The following TTC34 variants were observed in gnomAD, a reference collection of about 807,000 sequenced individuals.
The protein encoded by TTC34 is tetratricopeptide repeat protein 34.
Under a neutral mutation model 40.7 loss-of-function variants are expected in TTC34, and 44 were observed. That is an observed-to-expected ratio of 1.08 (90% CI 0.85 to 1.39). The LOEUF is 1.39. Among genes scored for constraint, TTC34 ranks in the 40% most tolerant of loss-of-function variants. The probability of loss-of-function intolerance (pLI) is 0.00; values close to 1 mark genes in which losing one functional copy is unlikely to be tolerated. For missense variants in TTC34, 884 were observed against 838.0 expected (o/e 1.05, Z -0.68); for synonymous variants, 422 against 398.6 (o/e 1.06, Z -0.70).
intron 6 of TTC34, among the ~76,000 whole-genome samples, chr1:2,691,668 A>T (rs113378747): frequency 1.8e-4 from 15 of 84,904 alleles, no homozygotes; most frequent in South Asian, 7.0e-4. Flanking sequence ...CGACACCCCC[A>T]GGTGAGCATC....
chr1:2,683,933 G>T (rs1464417207), intron 6 of TTC34, among the ~76,000 whole-genome samples: 10 of 12,742 alleles, frequency 7.8e-4, no homozygotes, highest in African/African-American at 3.3e-3. Context: ...AGCATCTGAT[G>T]GTCTGGAGCA....
chr1:2,647,201 C>G (rs1639036109), intron 6 of TTC34, among the ~76,000 whole-genome samples: 1 of 152,100 alleles, frequency 6.6e-6, no homozygotes, highest in African/African-American at 2.4e-5. Flanking sequence ...GTTATTTCTT[C>G]AAATACCTGT....
intron 6 of TTC34, among the ~76,000 whole-genome samples, chr1:2,749,024 C>T (rs1569684683): frequency 6.7e-6 from 1 of 150,174 alleles, no homozygotes; most frequent in African/African-American, 2.5e-5. Flanking sequence ...ATCTGACAGC[C>T]TGGAACAGCA....
intron 6 of TTC34, among the ~76,000 whole-genome samples, chr1:2,651,031 CG>C (rs777179257): frequency 1.3e-5 from 2 of 150,146 alleles, no homozygotes; most frequent in African/African-American, 2.5e-5. Context: ...TCCACGCCTT[CG>C]GGGGGGCATC....
At chr1:2,695,751 C>A (rs1640833103) in intron 6 of TTC34, among the ~76,000 whole-genome samples, 1 of 150,100 alleles carries the variant, frequency 6.7e-6, no homozygotes, top group African/African-American at 2.5e-5. Flanking sequence ...GAACAGCACC[C>A]ACACCCCCAG....
intron 6 of TTC34, among the ~76,000 whole-genome samples, chr1:2,695,638 A>C (rs376548879): frequency 0.065 from 115 of 1,768 alleles, no homozygotes; most frequent in African/African-American, 0.077. Context: ...ACCCACACCA[A>C]CAGGTGAGCA....
chr1:2,681,341 GC>G (rs1286086067), intron 6 of TTC34, among the ~76,000 whole-genome samples: 3 of 24,758 alleles, frequency 1.2e-4, no homozygotes, highest in East Asian at 1.2e-3. Context: ...ACAGCACGCT[GC>G]CCCCCCAGGT....
chr1:2,686,719 A>G (rs1640369686), intron 6 of TTC34, among the ~76,000 whole-genome samples: 2 of 142,856 alleles, frequency 1.4e-5, no homozygotes, highest in Admixed American at 7.0e-5. Context: ...AACAGCACAC[A>G]CACCCCCAGG....
chr1:2,784,868 TC>T (rs1331139426), intron 5 of TTC34, among the ~76,000 whole-genome samples: 1 of 152,250 alleles, frequency 6.6e-6, no homozygotes, highest in Non-Finnish European at 1.5e-5. Context: ...ACCTAGGTAA[TC>T]TTTTGCCCAC....
intron 2 of TTC34, among the ~76,000 whole-genome samples, chr1:2,797,031 G>A (rs183394181): frequency 3.3e-5 from 5 of 152,112 alleles, no homozygotes; most frequent in Admixed American, 3.3e-4. Context: ...GTCACCCCAC[G>A]GGCTCCGAAT....
intron 6 of TTC34, among the ~76,000 whole-genome samples, chr1:2,647,421 G>A (rs866183346): frequency 6.6e-6 from 1 of 152,068 alleles, no homozygotes; most frequent in Admixed American, 6.5e-5. Flanking sequence ...TCAGGAGATC[G>A]AGACCATCCT....
At chr1:2,639,412 C>A (rs1217373129) in exon 9 of TTC34, 2 of 152,588 alleles carry the variant, frequency 1.3e-5, no homozygotes, top group Admixed American at 6.5e-5. Flanking sequence ...GGGAAGGGCA[C>A]CCCTAGGGGA....
At chr1:2,641,261 G>T in exon 9 of TTC34, 1 of 1,291,732 alleles carries the variant, frequency 7.7e-7, no homozygotes, top group Non-Finnish European at 1.0e-6. Context: ...AGAGGGCAGG[G>T]CAGGTACCTC....
intron 2 of TTC34, among the ~76,000 whole-genome samples, chr1:2,792,073 G>C (rs1479154001): frequency 7.7e-6 from 1 of 129,790 alleles, no homozygotes; most frequent in African/African-American, 2.9e-5. Flanking sequence ...CTGGAGTGCA[G>C]TGGTGTAAAT....
intron 6 of TTC34, among the ~76,000 whole-genome samples, chr1:2,685,204 G>A (rs1570810124): frequency 7.1e-6 from 1 of 139,952 alleles, no homozygotes; most frequent in Non-Finnish European, 1.5e-5. Context: ...CACACCCCCA[G>A]GTGAGCATCT....
chr1:2,760,981 A>G lies in TTC34; in HGVS notation c.2226+22628T>C, dbSNP rs1355776141. The stretch of plus-strand genomic sequence containing the variant: ...GTCCACACCCCCAGGTGAGCATCTG[A>G]TAGCCTGGAGCAGCGCTCACACCCA... On this transcript the variant is annotated intron_variant, in intron 6 of 8. Coordinates refer to ENST00000401095, the Ensembl canonical transcript of TTC34. Among the ~76,000 whole-genome samples, 16 of 69,290 alleles carry G rather than the reference A, an allele frequency of 2.3e-4. 5 individuals carry two copies. The highest frequency in any genetic ancestry group is 2.9e-4 in the Non-Finnish European group (12 of 40,868). The allele number at this position is 69,290 out of a possible 152,430, so 45.5% of individuals were successfully genotyped here. A position where few individuals can be genotyped will look rare whatever the true frequency, so the allele number is the denominator to read the frequency against.
chr1:2,748,480 T>A (rs1338740133), intron 6 of TTC34, among the ~76,000 whole-genome samples: 1 of 9,042 alleles, frequency 1.1e-4, no homozygotes, highest in Non-Finnish European at 2.4e-4. Context: ...GCACCCCACA[T>A]CCCCGGGTGA....
In TTC34 at chr1:2,796,889, G is replaced by A. The variant is rs936998736; in HGVS notation, c.784+3155C>T. Among the ~76,000 whole-genome samples, 6 of 152,176 alleles carry A rather than the reference G, an allele frequency of 3.9e-5. No homozygotes were observed. Among genetic ancestry groups the A allele is most frequent in the Admixed American group, 1.3e-4 (2 of 15,300 alleles). ...TGGTTCCTGCCCCACCCTCTCGTTGGGGTCACCAAGAACCTCGGCACCACA... is the reference window on the plus strand; with the variant it reads ...TGGTTCCTGCCCCACCCTCTCGTTGAGGTCACCAAGAACCTCGGCACCACA... On this transcript the variant is annotated intron_variant, in intron 2 of 8. Transcript: ENST00000401095. The surrounding 1 kb of genome is among the most constrained non-coding windows in gnomAD (Gnocchi z 4.5).
intron 6 of TTC34, among the ~76,000 whole-genome samples, chr1:2,695,758 C>A (rs563680365): frequency 3.5e-5 from 5 of 144,244 alleles, no homozygotes; most frequent in Admixed American, 7.0e-5. Flanking sequence ...ACCCACACCC[C>A]CAGGTGAGCA....
Sources: allele counts gnomAD v4.1 joint callset (sites outside exome capture counted in the v4.1 genomes callset), GRCh38; gene constraint gnomAD v4.1.1; non-coding constraint Gnocchi (gnomAD v3.1); transcripts MANE v1.5; gene names NCBI Gene and HGNC (gene_info 2026-07-23, HGNC 2026-07-21).